The following MYO1H variants were observed in gnomAD, a reference collection of about 807,000 sequenced individuals.
MYO1H encodes unconventional myosin-Ih.
In MYO1H, 118 loss-of-function variants were observed where a neutral mutation model predicts 149.3. The observed-to-expected ratio is 0.79, with a 90% CI of 0.68 to 0.92. The LOEUF (loss-of-function observed/expected upper bound fraction) is 0.92. MYO1H is among the 40% of genes least tolerant of loss of function. MYO1H has a pLI of 0.00. For synonymous variants in MYO1H, 447 were observed against 465.2 expected (o/e 0.96, Z 0.50); for missense variants, 1,212 against 1,280.7 (o/e 0.95, Z 0.82).
the MYO1H span, among the ~76,000 whole-genome samples, chr12:109,342,296 C>A: frequency 6.6e-6 from 1 of 151,844 alleles, no homozygotes; most frequent in South Asian, 2.1e-4. Context: ...AGGCATGCGC[C>A]ACCACGCTCA....
intron 6 of MYO1H, chr12:109,401,523 T>C: frequency 2.6e-6 from 1 of 384,360 alleles, no homozygotes; most frequent in Non-Finnish European, 4.7e-6. Context: ...TAGAATCACC[T>C]GAAGAGCCCT....
intron 1 of MYO1H, among the ~76,000 whole-genome samples, chr12:109,376,163 T>C (rs143996532): frequency 4.1e-4 from 62 of 152,322 alleles, no homozygotes; most frequent in Middle Eastern, 3.4e-3. Context: ...GGTTTTCAGT[T>C]TATTCACAGA....
At chr12:109,385,524 C>T (rs1869286902) in intron 1 of MYO1H, among the ~76,000 whole-genome samples, 1 of 152,142 alleles carries the variant, frequency 6.6e-6, no homozygotes, top group African/African-American at 2.4e-5. Flanking sequence ...AACTCCTGGG[C>T]TCAAGTGATC....
Position 109,392,218 on chromosome 12 carries a change from C to T in MYO1H, c.175-1113C>T, listed in dbSNP as rs534241275. Among the ~76,000 whole-genome samples, 3 of 152,326 alleles carry T rather than the reference C, an allele frequency of 2.0e-5. No individual in the cohort carries two copies. In the South Asian group the frequency reaches 6.2e-4, roughly 32 times the overall value. On this transcript the variant is annotated intron_variant, in intron 2 of 31. Coordinates refer to ENST00000310903, the Ensembl canonical transcript of MYO1H. ...ATAAAACCCCAATTCCTCGTGGGAG[C>T]CCACGGAGCCTGTATGATCTGAGCC...
At chr12:109,351,545 C>T (rs755690386) in intron 1 of MYO1H, among the ~76,000 whole-genome samples, 1 of 152,186 alleles carries the variant, frequency 6.6e-6, no homozygotes, top group African/African-American at 2.4e-5. Flanking sequence ...TTCACTGCTC[C>T]TGTAATTGCG....
At chr12:109,391,264 C>A (rs931944925) in intron 2 of MYO1H, among the ~76,000 whole-genome samples, 1 of 152,060 alleles carries the variant, frequency 6.6e-6, no homozygotes, top group Non-Finnish European at 1.5e-5. Context: ...GTTGTTCCCC[C>A]CTCTCCCACA....
At chr12:109,427,350 G>T in intron 18 of MYO1H, 119 bp from the exon 19 acceptor site, 1 of 514,908 alleles carries the variant, frequency 1.9e-6, no homozygotes, top group Non-Finnish European at 3.6e-6. Context: ...AAGACCTCAC[G>T]AAATGAGTCT....
chr12:109,432,182 T>G (rs1377966951), intron 19 of MYO1H, among the ~76,000 whole-genome samples: 1 of 151,920 alleles, frequency 6.6e-6, no homozygotes, highest in Admixed American at 6.6e-5. Context: ...TGTTTTGTAT[T>G]TTTAGTAGAG....
At chr12:109,443,007 A>AT (rs1268093912) in intron 27 of MYO1H, among the ~76,000 whole-genome samples, 1,550 of 83,902 alleles carry the variant, frequency 0.018, 217 homozygotes, top group Middle Eastern at 0.035. Flanking sequence ...GAAAAAAAAA[A>AT]AAATATATAT....
chr12:109,369,698 G>A (rs1017879101), intron 1 of MYO1H, among the ~76,000 whole-genome samples: 1 of 152,190 alleles, frequency 6.6e-6, no homozygotes, highest in South Asian at 2.1e-4. Context: ...GCAAATTGAT[G>A]TCTTTGCCTA....
chr12:109,332,956 G>A, the MYO1H span, among the ~76,000 whole-genome samples: 1 of 152,112 alleles, frequency 6.6e-6, no homozygotes, highest in African/African-American at 2.4e-5. Flanking sequence ...GGTTTTATAT[G>A]CAGGTCGACA....
At chr12:109,326,681 G>A in the MYO1H span, among the ~76,000 whole-genome samples, 3 of 151,576 alleles carry the variant, frequency 2.0e-5, no homozygotes, top group East Asian at 1.9e-4. Flanking sequence ...CACCATCCCC[G>A]GCTAATTTTT....
chr12:109,331,186 C>T, the MYO1H span, among the ~76,000 whole-genome samples: 2 of 152,158 alleles, frequency 1.3e-5, no homozygotes, highest in African/African-American at 2.4e-5. Flanking sequence ...CAGCACCTGA[C>T]GCAGGAAATT....
At chr12:109,353,960 TG>T (rs1205821844) in intron 1 of MYO1H, 3 of 152,128 alleles carry the variant, frequency 2.0e-5, no homozygotes, top group Admixed American at 2.0e-4. Flanking sequence ...TGGCCAGCAG[TG>T]GTAATTTCTG....
At chr12:109,428,218 C>T (rs1244535910) in intron 19 of MYO1H, among the ~76,000 whole-genome samples, 3 of 151,986 alleles carry the variant, frequency 2.0e-5, no homozygotes, top group Non-Finnish European at 4.4e-5. Context: ...CAGGGGGCAG[C>T]CGTGGGCAGT....
At position 109,410,686 on chromosome 12, in the gene MYO1H, AG is replaced by A; in HGVS notation, c.1330-1del. On this transcript the variant is annotated splice_acceptor_variant, in intron 12 of 31. Coordinates refer to ENST00000310903, the Ensembl canonical transcript of MYO1H. LOFTEE classifies it high-confidence loss of function. Reference sequence around the variant, plus strand: ...AGAATTCATTCCTCTTTGTCATTTTAGTGGGAGCCAATTAAATATTTCAACA... The same window carrying A: ...AGAATTCATTCCTCTTTGTCATTTTATGGGAGCCAATTAAATATTTCAACA... 1 of 1,590,530 alleles carries A rather than the reference AG, an allele frequency of 6.3e-7. No individual in the cohort carries two copies. The highest frequency in any genetic ancestry group is 8.6e-7 in the Non-Finnish European group (1 of 1,163,588).
At chr12:109,358,706 T>C (rs1002040440) in intron 1 of MYO1H, among the ~76,000 whole-genome samples, 2 of 152,140 alleles carry the variant, frequency 1.3e-5, no homozygotes, top group East Asian at 1.9e-4. Context: ...CTCTGCAGTA[T>C]GCAGAGTAAA....
At chr12:109,333,987 T>C in the MYO1H span, among the ~76,000 whole-genome samples, 17 of 152,112 alleles carry the variant, frequency 1.1e-4, no homozygotes, top group African/African-American at 3.9e-4. Flanking sequence ...ATTTGCTTAT[T>C]TACTTGTTTA....
chr12:109,417,476 C>T (rs796725560), intron 15 of MYO1H, among the ~76,000 whole-genome samples: 2 of 151,770 alleles, frequency 1.3e-5, no homozygotes, highest in African/African-American at 2.4e-5. Context: ...TACAGGTGCC[C>T]GCCACCACAC....
Sources: gnomAD v4.1 joint callset for allele counts (sites outside exome capture counted in the v4.1 genomes callset) on GRCh38, gnomAD v4.1.1 for gene constraint, MANE v1.5 for transcripts, NCBI Gene and HGNC (gene_info 2026-07-23, HGNC 2026-07-21) for gene names.